Variants in MDM2 observed in about 807,000 individuals in gnomAD.
The protein encoded by MDM2 is MDM2 proto-oncogene, also known as E3 ubiquitin-protein ligase Mdm2.
Under a neutral mutation model 64.3 loss-of-function variants are expected in MDM2, and 11 were observed. That is an observed-to-expected ratio of 0.17 (90% confidence interval 0.11 to 0.28). The LOEUF is 0.28. MDM2 is among the 10% of genes least tolerant of loss of function. The pLI, the probability that MDM2 is intolerant of heterozygous loss-of-function variation, is 1.00. For synonymous variants in MDM2, 194 were observed against 192.9 expected, an observed-to-expected ratio of 1.01 and a Z score of -0.05; for missense variants, 388 against 577.1, an observed-to-expected ratio of 0.67 and a Z score of 3.36.
intron 9 of MDM2, 137 bp downstream of exon 9, chr12:68,836,121 T>G (rs1198594822): frequency 7.0e-5 from 51 of 729,398 alleles, no homozygotes. Context: ...ACTAACACAT[T>G]GGTTTGTGGA....
chr12:68,808,448 G>C lies in MDM2; in HGVS notation c.-30G>C, dbSNP rs1880553165. ...TGAAGGAAACTGGGGAGTCTTGAGG[G>C]ACCCCCGACTCCAAGCGCGAAAACC... On this transcript the variant is annotated 5_prime_UTR_variant, in exon 1 of 11. Transcript: ENST00000258149. 2.5e-6 allele frequency: 4 copies of C among 1,613,902 alleles called. 1 individual carries two copies. In the South Asian group the frequency reaches 4.4e-5, roughly 18 times the overall value.
intron 1 of MDM2, among the ~76,000 whole-genome samples, chr12:68,808,788 T>C (rs1022537243): frequency 2.1e-4 from 31 of 151,150 alleles, no homozygotes; most frequent in Admixed American, 1.3e-4. Flanking sequence ...GGCCGGGGGC[T>C]GCGGGGCCGC....
intron 1 of MDM2, 100 bp downstream of exon 1, chr12:68,808,591 G>T: frequency 6.4e-7 from 1 of 1,552,390 alleles, no homozygotes; most frequent in Non-Finnish European, 8.8e-7. Flanking sequence ...GCCTTTGTGC[G>T]GTTCGTGGCT....
chr12:68,848,011 G>A (rs976077723), downstream of MDM2: 1 of 152,064 alleles, frequency 6.6e-6, no homozygotes, highest in African/African-American at 2.4e-5. Flanking sequence ...AAAAATTGTG[G>A]TGGCATGCAT....
chr12:68,826,148 G>A (rs988851808), intron 7 of MDM2, among the ~76,000 whole-genome samples: 1 of 151,974 alleles, frequency 6.6e-6, no homozygotes, highest in Non-Finnish European at 1.5e-5. Context: ...ATAAATATGG[G>A]GAGAGGGTGA....
At chr12:68,808,883 G>C (rs1375440437) in intron 1 of MDM2, 2 of 1,356,752 alleles carry the variant, frequency 1.5e-6, no homozygotes, top group South Asian at 1.8e-5. Flanking sequence ...GGATTGGGCC[G>C]GTTCAGTGGG....
intron 4 of MDM2, among the ~76,000 whole-genome samples, chr12:68,818,708 CTA>C (rs1349645753): frequency 6.6e-6 from 1 of 151,072 alleles, no homozygotes; most frequent in Non-Finnish European, 1.5e-5. Context: ...TTAAAAATAA[CTA>C]TATTGGTATA....
At chr12:68,816,996 A>C (rs745584795) in intron 4 of MDM2, 51 bp downstream of exon 4, 28 of 1,592,068 alleles carry the variant, frequency 1.8e-5, no homozygotes, top group Non-Finnish European at 2.4e-5. Context: ...CTAACATTTC[A>C]GTTCACCTCT....
chr12:68,831,407 A>G (rs1012151278), intron 8 of MDM2, among the ~76,000 whole-genome samples: 4 of 152,148 alleles, frequency 2.6e-5, no homozygotes, highest in Non-Finnish European at 4.4e-5. Context: ...GCCCTCAAGA[A>G]AACTGGCCCT....
rs765388354 is a variant in MDM2 at position 68,842,627 on chromosome 12, C to G, written c.*2778C>G. ...GTGAAATGTGGACATAAAATAGTTA[C>G]GCTATTTGGTTAATGGTACTAGACA... is the stretch of plus-strand genomic sequence containing the variant. On this transcript the variant is annotated 3_prime_UTR_variant, in exon 11 of 11. Transcript: ENST00000258149. 2.5e-5 allele frequency: 7 copies of G among 283,700 alleles called. No individual in the cohort carries two copies. The highest frequency in any genetic ancestry group is 2.3e-4 in the Admixed American group (5 of 21,660). 17.6% of individuals were successfully genotyped at this position (283,700 alleles called of 1,614,324 possible). A position where few individuals can be genotyped will look rare whatever the true frequency, so the allele number is the denominator to read the frequency against.
At chr12:68,848,188 T>C (rs1470971700), downstream of MDM2, 1 of 152,236 alleles carries the variant, frequency 6.6e-6, no homozygotes. Flanking sequence ...TGTGATTTTT[T>C]GTTTGTTTTT....
Position 68,844,275 on chromosome 12 carries a change from G to A in MDM2, c.*4426G>A, listed in dbSNP as rs1884070501. On this transcript the variant is annotated 3_prime_UTR_variant, in exon 11 of 11. Transcript: ENST00000258149. ...TATATTTGGGTAACAAAAGGCACAA[G>A]TCTGAATGTGTTTCTTTTTCTGGAA... 2 of 218,178 alleles carry A rather than the reference G, an allele frequency of 9.2e-6. No individual in the cohort carries two copies. Among genetic ancestry groups the A allele is most frequent in the South Asian group, 1.9e-4 (1 of 5,404 alleles). The allele number at this position is 218,178 out of a possible 1,614,324, so 13.5% of individuals were successfully genotyped here. A position where few individuals can be genotyped will look rare whatever the true frequency, so the allele number is the denominator to read the frequency against.
intron 3 of MDM2, among the ~76,000 whole-genome samples, chr12:68,815,316 T>C (rs1220798942): frequency 2.6e-5 from 4 of 152,148 alleles, no homozygotes; most frequent in African/African-American, 7.2e-5. Context: ...TTGTCTGATA[T>C]AGTTCTCAGT....
chr12:68,819,870 T>C (rs1592577935), intron 4 of MDM2, among the ~76,000 whole-genome samples: 1 of 152,252 alleles, frequency 6.6e-6, no homozygotes, highest in Non-Finnish European at 1.5e-5. Flanking sequence ...AATTCCTATT[T>C]AATGGATTTT....
chr12:68,833,047 A>G (rs1190621045), intron 8 of MDM2, among the ~76,000 whole-genome samples: 1 of 142,510 alleles, frequency 7.0e-6, no homozygotes, highest in Non-Finnish European at 1.5e-5. Flanking sequence ...AATGGCGTGA[A>G]CCCAGGAGGT....
intron 5 of MDM2, among the ~76,000 whole-genome samples, chr12:68,823,630 C>T (rs1592582480): frequency 6.6e-6 from 1 of 152,120 alleles, no homozygotes; most frequent in Non-Finnish European, 1.5e-5. Context: ...GTTTTCCTGC[C>T]TCTGCCCTCT....
chr12:68,839,954 T>G lies in MDM2; in HGVS notation c.*105T>G. The stretch of plus-strand genomic sequence containing the variant: ...TATCAAAGTGAGAAAATGCCTCAAT[T>G]CACATAGATTTCTTCTCTTTAGTAT... On this transcript the variant is annotated 3_prime_UTR_variant, in exon 11 of 11. Coordinates refer to ENST00000258149, the MANE Select transcript of MDM2 (RefSeq NM_002392.6). 2.0e-6 allele frequency: 2 copies of G among 1,007,512 alleles called. No individual in the cohort carries two copies. Among genetic ancestry groups the G allele is most frequent in the Non-Finnish European group, 2.9e-6 (2 of 699,928 alleles). 62.4% of individuals were successfully genotyped at this position (1,007,512 alleles called of 1,614,324 possible).
At chr12:68,832,338 T>C (rs1882860768) in intron 8 of MDM2, among the ~76,000 whole-genome samples, 1 of 152,138 alleles carries the variant, frequency 6.6e-6, no homozygotes. Context: ...ATTATGATCT[T>C]CTGTCATCTT....
In MDM2 at chr12:68,844,047, A is replaced by T. The variant is rs904004593; in HGVS notation, c.*4198A>T. Reference sequence around the variant, plus strand: ...TGATTATAAACATAGTACACTTGATATATGGAGGCAGTGACAGCTATTTTT... The same window carrying T: ...TGATTATAAACATAGTACACTTGATTTATGGAGGCAGTGACAGCTATTTTT... On this transcript the variant is annotated 3_prime_UTR_variant, in exon 11 of 11. Coordinates refer to ENST00000258149, the MANE Select transcript of MDM2 (RefSeq NM_002392.6). 3 of 206,588 alleles carry T rather than the reference A, an allele frequency of 1.5e-5. No individual in the cohort carries two copies. The highest frequency in any genetic ancestry group is 3.0e-5 in the Non-Finnish European group (3 of 101,334). The allele number at this position is 206,588 out of a possible 1,614,324, so 12.8% of individuals were successfully genotyped here.
Sources: gnomAD v4.1 joint callset for allele counts (sites outside exome capture counted in the v4.1 genomes callset) on GRCh38, gnomAD v4.1.1 for gene constraint, MANE v1.5 for transcripts, NCBI Gene and HGNC (gene_info 2026-07-23, HGNC 2026-07-21) for gene names.